Variants in ARL15 observed in about 807,000 individuals in gnomAD.
ARL15 encodes ARF like GTPase 15, also known as ADP-ribosylation factor-like protein 15.
In ARL15, 19 loss-of-function variants were observed where a neutral mutation model predicts 25.2. The observed-to-expected ratio is 0.75, with a 90% CI of 0.53 to 1.10. The LOEUF (loss-of-function observed/expected upper bound fraction) is 1.10. Among genes scored for constraint, ARL15 ranks in the 50% least tolerant of loss-of-function variants. ARL15 has a pLI of 0.00. For synonymous variants in ARL15, 94 were observed against 86.8 expected (o/e 1.08, Z -0.46); for missense variants, 220 against 246.0 (o/e 0.89, Z 0.71).
At chr5:54,021,793 A>G (rs1749612062) in intron 4 of ARL15, among the ~76,000 whole-genome samples, 2 of 152,226 alleles carry the variant, frequency 1.3e-5, no homozygotes, top group South Asian at 4.1e-4. Flanking sequence ...AAGTTTAGAG[A>G]ACCTCAAACA....
At chr5:54,148,591 A>G (rs1753977436) in intron 3 of ARL15, among the ~76,000 whole-genome samples, 1 of 152,232 alleles carries the variant, frequency 6.6e-6, no homozygotes, top group African/African-American at 2.4e-5. Context: ...GATTGACAAC[A>G]GGCAGCAATG....
At position 54,016,703 on chromosome 5, in the gene ARL15, G is replaced by A. The variant is rs75537038; in HGVS notation, c.462+96499C>T. Among the ~76,000 whole-genome samples, 800 of 152,160 alleles carry A rather than the reference G, an allele frequency of 5.3e-3. 3 individuals are homozygous for A. Among genetic ancestry groups the A allele is most frequent in the African/African-American group, 0.011 (453 of 41,498 alleles). The stretch of plus-strand genomic sequence containing the variant: ...CTCATCACAGCATGCTACAGACCTC[G>A]CTCAAATGCAACCTTATTTTCTTAC... On this transcript the variant is annotated intron_variant, in intron 4 of 4. Coordinates refer to ENST00000504924, the MANE Select transcript of ARL15 (RefSeq NM_019087.3).
chr5:53,925,260 A>G (rs910771008), intron 4 of ARL15, among the ~76,000 whole-genome samples: 1 of 151,502 alleles, frequency 6.6e-6, no homozygotes, highest in Admixed American at 6.6e-5. Flanking sequence ...GCAGTGGTGC[A>G]ATCATGGCTC....
chr5:54,067,466 A>G (rs1751276863), intron 4 of ARL15, among the ~76,000 whole-genome samples: 1 of 152,230 alleles, frequency 6.6e-6, no homozygotes, highest in African/African-American at 2.4e-5. Flanking sequence ...AAAGCTGTGT[A>G]TATACTCATC....
chr5:53,928,455 TCAG>T (rs1746098710), intron 4 of ARL15, among the ~76,000 whole-genome samples: 2 of 152,308 alleles, frequency 1.3e-5, no homozygotes, highest in South Asian at 4.1e-4. Flanking sequence ...GGATTAAAAT[TCAG>T]CAGATCACTT....
At chr5:54,290,304 CT>C (rs34445601) in intron 1 of ARL15, among the ~76,000 whole-genome samples, 12,791 of 139,856 alleles carry the variant, frequency 0.091, 590 homozygotes, top group African/African-American at 0.16. Context: ...ATCACTCAAC[CT>C]TTTTTTTTTT....
intron 4 of ARL15, among the ~76,000 whole-genome samples, chr5:53,904,716 ATAAAT>A (rs1182694633): frequency 1.3e-5 from 2 of 150,838 alleles, no homozygotes; most frequent in African/African-American, 4.9e-5. Flanking sequence ...TTAAATTAAA[ATAAAT>A]TATTTATTTT....
chr5:53,887,528 T>C (rs181361022), intron 4 of ARL15: 8 of 591,520 alleles, frequency 1.4e-5, no homozygotes, highest in Non-Finnish European at 2.1e-5. Context: ...TGTGAATAAA[T>C]AGCAAATTAT....
intron 4 of ARL15, among the ~76,000 whole-genome samples, chr5:53,990,441 A>AT (rs1187961928): frequency 1.3e-5 from 2 of 152,208 alleles, no homozygotes; most frequent in African/African-American, 4.8e-5. Flanking sequence ...GTTTTTAAAA[A>AT]TACCAAATCA....
chr5:54,025,598 T>G (rs113262955), intron 4 of ARL15, among the ~76,000 whole-genome samples: 15 of 152,362 alleles, frequency 9.8e-5, no homozygotes, highest in African/African-American at 3.1e-4. Context: ...GGATAATCAC[T>G]GCTTTTCTTT....
At chr5:53,935,169 C>T (rs1440489357) in intron 4 of ARL15, among the ~76,000 whole-genome samples, 2 of 152,146 alleles carry the variant, frequency 1.3e-5, no homozygotes, top group Admixed American at 1.3e-4. Context: ...AAAAATCTAT[C>T]AAATAATACA....
At chr5:54,188,452 A>T (rs1435377631) in intron 1 of ARL15, among the ~76,000 whole-genome samples, 2 of 152,208 alleles carry the variant, frequency 1.3e-5, no homozygotes, top group Non-Finnish European at 2.9e-5. Context: ...CACAAGCAAG[A>T]AAGGGCATGC....
At chr5:54,284,729 C>A (rs1312524336) in intron 1 of ARL15, among the ~76,000 whole-genome samples, 8 of 152,224 alleles carry the variant, frequency 5.3e-5, no homozygotes, top group Admixed American at 3.3e-4. Flanking sequence ...AACCATATTA[C>A]CTCATTCTCT....
At chr5:54,292,288 G>A (rs1289681924) in intron 1 of ARL15, among the ~76,000 whole-genome samples, 1 of 152,020 alleles carries the variant, frequency 6.6e-6, no homozygotes, top group African/African-American at 2.4e-5. Context: ...CCTTCTTTAT[G>A]AATGGGTTTT....
intron 4 of ARL15, among the ~76,000 whole-genome samples, chr5:53,991,990 G>A (rs960566406): frequency 2.0e-5 from 3 of 152,096 alleles, no homozygotes; most frequent in African/African-American, 7.2e-5. Flanking sequence ...ACACCTTTCG[G>A]GTATGCACAA....
intron 4 of ARL15, among the ~76,000 whole-genome samples, chr5:53,927,053 T>C (rs1306642171): frequency 6.6e-6 from 1 of 152,076 alleles, no homozygotes; most frequent in East Asian, 1.9e-4. Flanking sequence ...AAATTGACCA[T>C]TTCAACTATT....
intron 4 of ARL15, among the ~76,000 whole-genome samples, chr5:53,928,546 C>A (rs919160961): frequency 2.6e-5 from 4 of 152,140 alleles, no homozygotes; most frequent in African/African-American, 9.7e-5. Flanking sequence ...ATTCTGAGGA[C>A]TTTTACAAAC....
At chr5:54,078,801 T>C (rs1751695898) in intron 4 of ARL15, among the ~76,000 whole-genome samples, 2 of 152,310 alleles carry the variant, frequency 1.3e-5, no homozygotes, top group South Asian at 4.1e-4. Flanking sequence ...TAACTCACTA[T>C]CCTACTAAAC....
intron 4 of ARL15, among the ~76,000 whole-genome samples, chr5:54,038,264 C>T (rs1750232361): frequency 6.6e-6 from 1 of 152,056 alleles, no homozygotes; most frequent in South Asian, 2.1e-4. Context: ...ATAATGAAGA[C>T]ATAAGACTCT....
Sources: gnomAD v4.1 joint callset for allele counts (sites outside exome capture counted in the v4.1 genomes callset) on GRCh38, gnomAD v4.1.1 for gene constraint, MANE v1.5 for transcripts, NCBI Gene and HGNC (gene_info 2026-07-23, HGNC 2026-07-21) for gene names.